The following CHN1 variants were observed in gnomAD, a reference collection of about 807,000 sequenced individuals.
CHN1 encodes the protein chimerin 1, also known as N-chimaerin.
Under a neutral mutation model 59.5 loss-of-function variants are expected in CHN1, and 37 were observed. The ratio of observed to expected loss-of-function variants is 0.62; its 90% CI spans 0.48 to 0.82. The LOEUF is 0.82. CHN1 is among the 40% of genes least tolerant of loss of function. The probability of loss-of-function intolerance (pLI) is 0.00; values close to 1 mark genes in which losing one functional copy is unlikely to be tolerated. For synonymous variants in CHN1, 206 were observed against 200.4 expected, an observed-to-expected ratio of 1.03 and a Z score of -0.24; for missense variants, 469 against 571.0, an observed-to-expected ratio of 0.82 and a Z score of 1.82.
chr2:174,911,321 A>C (rs1027252198), intron 5 of CHN1, among the ~76,000 whole-genome samples: 1 of 152,222 alleles, frequency 6.6e-6, no homozygotes, highest in Non-Finnish European at 1.5e-5. Context: ...ATATCTCATT[A>C]AACTACAACG....
rs780111241 is a variant in CHN1, at chr2:174,918,578, CA to C, written c.115-14del. The C allele has an allele frequency of 4.4e-6, 7 of 1,581,524 alleles. No homozygotes were observed. Among genetic ancestry groups the C allele is most frequent in the South Asian group, 2.3e-5 (2 of 86,168 alleles). On this transcript the variant is annotated splice_polypyrimidine_tract_variant and intron_variant, in intron 3 of 12. Coordinates refer to ENST00000409900, the MANE Select transcript of CHN1 (RefSeq NM_001822.7). Reference sequence around the variant, plus strand: ...GTCTGTTTTCCACCTATTGGGAAAGCAAAAAAACAGGCATATTTGTAAAAAT... The same window carrying C: ...GTCTGTTTTCCACCTATTGGGAAAGCAAAAAACAGGCATATTTGTAAAAAT...
At chr2:174,885,123 TAAA>T (rs557769053) in intron 5 of CHN1, among the ~76,000 whole-genome samples, 1 of 134,958 alleles carries the variant, frequency 7.4e-6, no homozygotes, top group Non-Finnish European at 1.6e-5. Flanking sequence ...CCATCTCTAC[TAAA>T]AAAAAAAAAA....
At chr2:174,998,209 A>G (rs1691772639) in intron 1 of CHN1, among the ~76,000 whole-genome samples, 1 of 147,678 alleles carries the variant, frequency 6.8e-6, no homozygotes, top group African/African-American at 2.5e-5. Flanking sequence ...AGGCTGAGGC[A>G]GGAGAATTGC....
intron 1 of CHN1, among the ~76,000 whole-genome samples, chr2:174,979,560 A>C (rs926212478): frequency 6.6e-6 from 1 of 152,084 alleles, no homozygotes; most frequent in Non-Finnish European, 1.5e-5. Context: ...CATGCCTGTA[A>C]TCCCAACACT....
At position 174,921,391 on chromosome 2, in the gene CHN1, C is replaced by G. The variant is rs149434741; in HGVS notation, c.115-2826G>C. ...AGTTTTGTCTCCATGTGCAATTCAT[C>G]TCAATATTCCTTGACTCCATGTAAG... On this transcript the variant is annotated intron_variant, in intron 3 of 12. Coordinates refer to ENST00000409900, the MANE Select transcript of CHN1 (RefSeq NM_001822.7). 5.5e-3 allele frequency among the ~76,000 whole-genome samples: 831 copies of G among 152,286 alleles called. 4 individuals carry two copies. Among genetic ancestry groups the G allele is most frequent in the African/African-American group, 0.019 (790 of 41,544 alleles).
chr2:174,801,754 T>C lies in CHN1; in HGVS notation c.1161A>G (p.Pro387=). The change falls in exon 12 of 13, where the codon CCA becomes CCG. Residue 387 remains proline (P), a synonymous_variant. Transcript: ENST00000409900. Reference sequence around the variant, plus strand: ...ACCGGAGGGTTTCGCAGTGAGCAGGTGGCAGTAGTTTCAGTGCTTCATGAA... The same window carrying C: ...ACCGGAGGGTTTCGCAGTGAGCAGGCGGCAGTAGTTTCAGTGCTTCATGAA... ...ETLHEALKLL[P]PAHCETLRYL... is the part of the protein sequence containing the mutation. 6.2e-7 allele frequency: 1 copy of C among 1,613,556 alleles called. No individual in the cohort carries two copies. Among genetic ancestry groups the C allele is most frequent in the Non-Finnish European group, 8.5e-7 (1 of 1,179,558 alleles).
At chr2:174,948,537 T>C (rs1275512083) in intron 2 of CHN1, among the ~76,000 whole-genome samples, 1 of 152,214 alleles carries the variant, frequency 6.6e-6, no homozygotes, top group East Asian at 1.9e-4. Flanking sequence ...CAGAGTTACA[T>C]TTTTACAAGA....
At position 175,005,295 on chromosome 2, in the gene CHN1, G is replaced by A. The variant is rs1356953306; in HGVS notation, c.-383C>T. The A allele has an allele frequency of 1.7e-6, 2 of 1,200,508 alleles. No homozygotes were observed. The highest frequency in any genetic ancestry group is 3.6e-5 in the Admixed American group (1 of 27,998). The allele number at this position is 1,200,508 out of a possible 1,614,324, so 74.4% of individuals were successfully genotyped here. ...GGCGGCGGCGGCGACGGGGAGAGCA[G>A]CAGCAGCCTCGCACAGCCCCCGGCG... On this transcript the variant is annotated 5_prime_UTR_variant, in exon 1 of 13. Transcript: ENST00000409900.
Position 175,005,031 on chromosome 2 carries a change from C to A in CHN1, c.-119G>T. 2.1e-6 allele frequency: 3 copies of A among 1,410,234 alleles called. No individual in the cohort carries two copies. The highest frequency in any genetic ancestry group is 2.8e-6 in the Non-Finnish European group (3 of 1,079,602). The allele number at this position is 1,410,234 out of a possible 1,614,324, so 87.4% of individuals were successfully genotyped here. On this transcript the variant is annotated 5_prime_UTR_variant, in exon 1 of 13. Transcript: ENST00000409900. ...AGAGTGGGGTGCCCGATGGGGCGTG[C>A]TGGGGGCGCCGGCGCCCGGGGAGGC...
intron 3 of CHN1, among the ~76,000 whole-genome samples, chr2:174,936,292 A>T (rs549628213): frequency 6.6e-6 from 1 of 152,216 alleles, no homozygotes; most frequent in Non-Finnish European, 1.5e-5. Context: ...CTGTGTGGAT[A>T]GCAGGGGGAA....
At chr2:174,867,789 A>G (rs976541946) in intron 6 of CHN1, among the ~76,000 whole-genome samples, 1 of 152,248 alleles carries the variant, frequency 6.6e-6, no homozygotes, top group East Asian at 1.9e-4. Context: ...CAAATTACAA[A>G]GTAGTTTATA....
chr2:174,821,740 C>T, intron 8 of CHN1: 1 of 462,736 alleles, frequency 2.2e-6, no homozygotes, highest in Non-Finnish European at 4.5e-6. Flanking sequence ...AGACACTGAA[C>T]CTGCTGCCAG....
chr2:174,830,788 T>A (rs199761023), intron 7 of CHN1, among the ~76,000 whole-genome samples: 1 of 152,134 alleles, frequency 6.6e-6, no homozygotes, highest in East Asian at 1.9e-4. Context: ...ATGGCCTGTA[T>A]AACCAGCTGC....
chr2:174,905,983 T>C (rs1245107292), intron 5 of CHN1, among the ~76,000 whole-genome samples: 1 of 152,208 alleles, frequency 6.6e-6, no homozygotes, highest in South Asian at 2.1e-4. Flanking sequence ...TTGAAAAGGA[T>C]GTGAAGAAAC....
At chr2:174,806,600 G>GGT (rs1684892614) in intron 11 of CHN1, among the ~76,000 whole-genome samples, 1 of 152,176 alleles carries the variant, frequency 6.6e-6, no homozygotes, top group Non-Finnish European at 1.5e-5. Flanking sequence ...TGACCTTAGA[G>GGT]GTGTGTGTGA....
intron 1 of CHN1, 64 bp downstream of exon 1, chr2:175,004,830 C>T (rs1692009266): frequency 1.7e-6 from 2 of 1,176,794 alleles, no homozygotes; most frequent in Non-Finnish European, 2.2e-6. Flanking sequence ...GCCCCCCAGG[C>T]CCCCGCCCCC....
chr2:174,994,297 G>A (rs1250484746), intron 1 of CHN1, among the ~76,000 whole-genome samples: 3 of 152,076 alleles, frequency 2.0e-5, no homozygotes, highest in Non-Finnish European at 2.9e-5. Context: ...TAGAACCAAG[G>A]GATGACAGAA....
At chr2:174,981,521 T>C (rs1386035089) in intron 1 of CHN1, among the ~76,000 whole-genome samples, 4 of 152,230 alleles carry the variant, frequency 2.6e-5, no homozygotes, top group Non-Finnish European at 5.9e-5. Context: ...ATTGCATTCC[T>C]ACTAAAGATG....
At chr2:174,948,968 T>C (rs1689933149) in intron 2 of CHN1, among the ~76,000 whole-genome samples, 1 of 152,224 alleles carries the variant, frequency 6.6e-6, no homozygotes, top group Non-Finnish European at 1.5e-5. Context: ...TATATATATC[T>C]GGCCTAAGAT....
Sources: gnomAD v4.1 joint callset for allele counts (sites outside exome capture counted in the v4.1 genomes callset) on GRCh38, gnomAD v4.1.1 for gene constraint, MANE v1.5 for transcripts, NCBI Gene and HGNC (gene_info 2026-07-23, HGNC 2026-07-21) for gene names.